RAPGEF6: variants seen among roughly 807,000 people sequenced by gnomAD.
The protein encoded by RAPGEF6 is PDZ domain containing guanine nucleotide exchange factor (GEF) 2.
In RAPGEF6, 56 loss-of-function variants were observed where a neutral mutation model predicts 171.4. The ratio of observed to expected loss-of-function variants is 0.33; its 90% CI spans 0.26 to 0.41. The LOEUF (loss-of-function observed/expected upper bound fraction) is 0.41, where lower values mean the gene tolerates loss of function less well. Among genes scored for constraint, RAPGEF6 ranks in the 10% least tolerant of loss-of-function variants. RAPGEF6 has a pLI of 1.00. For synonymous variants in RAPGEF6, 692 were observed against 650.1 expected, an observed-to-expected ratio of 1.06 and a Z score of -0.98; for missense variants, 1,674 against 1,921.4, an observed-to-expected ratio of 0.87 and a Z score of 2.41.
At chr5:131,583,742 T>C (rs1763093167) in intron 4 of RAPGEF6, among the ~76,000 whole-genome samples, 1 of 152,198 alleles carries the variant, frequency 6.6e-6, no homozygotes, top group African/African-American at 2.4e-5. Flanking sequence ...GCTTCCTGAA[T>C]TTGTCTTTTC....
At chr5:131,582,402 A>G (rs567892451) in intron 4 of RAPGEF6, among the ~76,000 whole-genome samples, 18 of 152,298 alleles carry the variant, frequency 1.2e-4, no homozygotes, top group African/African-American at 3.9e-4. Flanking sequence ...GCAAAAAGAT[A>G]AAATTAGATC....
At chr5:131,431,406 T>C (rs904194626) in intron 25 of RAPGEF6, 57 bp from the exon 26 acceptor site, 247 of 1,520,144 alleles carry the variant, frequency 1.6e-4, no homozygotes, top group Non-Finnish European at 2.0e-4. Flanking sequence ...ATCTTCTCTC[T>C]GTTTCAAGTT....
intron 1 of RAPGEF6, among the ~76,000 whole-genome samples, chr5:131,630,987 T>A (rs1766270092): frequency 6.6e-6 from 1 of 152,132 alleles, no homozygotes; most frequent in Non-Finnish European, 1.5e-5. Flanking sequence ...GCACCACCAC[T>A]CTCTCGGTTT....
chr5:131,497,697 T>A (rs772417536), intron 12 of RAPGEF6, among the ~76,000 whole-genome samples: 2 of 152,232 alleles, frequency 1.3e-5, no homozygotes, highest in African/African-American at 2.4e-5. Context: ...TAGTTTTAGA[T>A]GTTAGTCTCC....
At chr5:131,501,785 A>G (rs1219632335) in intron 11 of RAPGEF6, among the ~76,000 whole-genome samples, 1 of 152,234 alleles carries the variant, frequency 6.6e-6, no homozygotes, top group Non-Finnish European at 1.5e-5. Flanking sequence ...TAGACTAGGG[A>G]AAACTGTGGT....
chr5:131,486,131 C>T (rs1580900255), intron 15 of RAPGEF6, among the ~76,000 whole-genome samples: 1 of 152,194 alleles, frequency 6.6e-6, no homozygotes, highest in East Asian at 1.9e-4. Context: ...TTCAAAGTCT[C>T]AATCCTAACA....
intron 1 of RAPGEF6, among the ~76,000 whole-genome samples, chr5:131,625,040 G>A (rs1229300685): frequency 6.6e-6 from 1 of 152,114 alleles, no homozygotes; most frequent in Non-Finnish European, 1.5e-5. Context: ...GAGGCGGGCA[G>A]ATCATGAGGT....
intron 6 of RAPGEF6, among the ~76,000 whole-genome samples, chr5:131,522,512 G>A (rs1758563367): frequency 6.6e-6 from 1 of 152,166 alleles, no homozygotes; most frequent in South Asian, 2.1e-4. Flanking sequence ...GAATGACTGA[G>A]TCTGAATTAT....
rs115969532 is a variant in RAPGEF6 at position 131,447,886 on chromosome 5, A to C, written c.3201-1183T>G. Among the ~76,000 whole-genome samples, 994 of 152,314 alleles carry C rather than the reference A, an allele frequency of 6.5e-3. 13 individuals carry two copies. The highest frequency in any genetic ancestry group is 0.023 in the African/African-American group (956 of 41,554). ...AATTGCTATTGGCCAGGCAGAAACT[A>C]TGACAAGACATTATTTACATCTGCA... is the stretch of plus-strand genomic sequence containing the variant. On this transcript the variant is annotated intron_variant, in intron 21 of 27. Transcript: ENST00000509018.
chr5:131,511,824 C>T (rs1235596972), intron 7 of RAPGEF6, among the ~76,000 whole-genome samples: 2 of 152,096 alleles, frequency 1.3e-5, no homozygotes, highest in African/African-American at 4.8e-5. Flanking sequence ...TGAGGACTAC[C>T]TTTCCTCTCC....
chr5:131,605,889 G>C (rs1764529952), intron 1 of RAPGEF6, among the ~76,000 whole-genome samples: 1 of 151,842 alleles, frequency 6.6e-6, no homozygotes, highest in African/African-American at 2.4e-5. Flanking sequence ...AATTAGCCGG[G>C]TATGGTGGCA....
chr5:131,540,349 C>T (rs759919915), intron 6 of RAPGEF6, among the ~76,000 whole-genome samples: 3 of 152,128 alleles, frequency 2.0e-5, no homozygotes, highest in Non-Finnish European at 4.4e-5. Context: ...GATTAGACTG[C>T]GTGAGCCCAG....
intron 5 of RAPGEF6, 70 bp from the exon 6 acceptor site, chr5:131,548,260 TAAC>T: frequency 6.8e-7 from 1 of 1,472,184 alleles, no homozygotes. Flanking sequence ...TATGGAGTCT[TAAC>T]AGACTCATAA....
At chr5:131,582,005 C>CA (rs1762998129) in intron 4 of RAPGEF6, among the ~76,000 whole-genome samples, 1 of 152,124 alleles carries the variant, frequency 6.6e-6, no homozygotes, top group African/African-American at 2.4e-5. Flanking sequence ...CCCCTGCCGG[C>CA]AAAAAATTGC....
At chr5:131,476,341 T>C (rs1361706850) in intron 16 of RAPGEF6, among the ~76,000 whole-genome samples, 1 of 152,196 alleles carries the variant, frequency 6.6e-6, no homozygotes, top group Non-Finnish European at 1.5e-5. Flanking sequence ...ATCCCAGCAC[T>C]CTGTGAGGCT....
At chr5:131,470,774 A>G (rs954234084) in intron 17 of RAPGEF6, among the ~76,000 whole-genome samples, 12 of 152,324 alleles carry the variant, frequency 7.9e-5, no homozygotes, top group African/African-American at 2.9e-4. Context: ...CAGATGAGGT[A>G]ACACTGGAGT....
intron 2 of RAPGEF6, among the ~76,000 whole-genome samples, chr5:131,604,326 T>C (rs1764420885): frequency 3.3e-5 from 5 of 152,176 alleles, no homozygotes; most frequent in Admixed American, 3.3e-4. Context: ...GATACTATCA[T>C]TACCCCTATT....
intron 3 of RAPGEF6, among the ~76,000 whole-genome samples, chr5:131,598,073 C>G (rs903991620): frequency 1.3e-5 from 2 of 151,900 alleles, no homozygotes; most frequent in African/African-American, 4.8e-5. Flanking sequence ...AGAAAAAAAA[C>G]CTGCTATATT....
At chr5:131,457,686 C>T (rs537390866) in intron 19 of RAPGEF6, among the ~76,000 whole-genome samples, 2 of 152,178 alleles carry the variant, frequency 1.3e-5, no homozygotes, top group East Asian at 3.9e-4. Flanking sequence ...CCTGCTAATG[C>T]TGACTTTATG....
Sources: allele counts gnomAD v4.1 joint callset (sites outside exome capture counted in the v4.1 genomes callset), GRCh38; gene constraint gnomAD v4.1.1; transcripts MANE v1.5; gene names NCBI Gene and HGNC (gene_info 2026-07-23, HGNC 2026-07-21).